SELP: variants seen among roughly 807,000 people sequenced by gnomAD.
The protein encoded by SELP is selectin P.
A neutral mutation model predicts 104.1 loss-of-function variants in SELP; 92 were observed. The observed-to-expected ratio is 0.88, with a 90% CI of 0.75 to 1.05. SELP has a LOEUF of 1.05. Among genes scored for constraint, SELP ranks in the 50% least tolerant of loss-of-function variants. The pLI, the probability that SELP is intolerant of heterozygous loss-of-function variation, is 0.00. For synonymous variants in SELP, 397 were observed against 364.5 expected, an observed-to-expected ratio of 1.09 and a Z score of -1.01; for missense variants, 1,022 against 1,017.3, an observed-to-expected ratio of 1.00 and a Z score of -0.06.
intron 2 of SELP, among the ~76,000 whole-genome samples, chr1:169,617,685 G>C (rs569982355): frequency 1.3e-5 from 2 of 152,276 alleles, no homozygotes; most frequent in African/African-American, 2.4e-5. Flanking sequence ...TCAAAGTTAG[G>C]AGGGACCCTG....
At chr1:169,608,506 A>G (rs963186188) in intron 8 of SELP, among the ~76,000 whole-genome samples, 36 of 152,142 alleles carry the variant, frequency 2.4e-4, no homozygotes, top group African/African-American at 8.5e-4. Flanking sequence ...TAATGTCTTC[A>G]AGGTTCATTC....
intron 11 of SELP, among the ~76,000 whole-genome samples, 177 bp from the exon 12 acceptor site, chr1:169,596,311 G>T (rs1281787492): frequency 6.6e-6 from 1 of 152,182 alleles, no homozygotes; most frequent in East Asian, 1.9e-4. Context: ...AACCAGATGA[G>T]GAAAATTATT....
chr1:169,612,212 C>T lies in SELP; in HGVS notation c.961+5G>A, dbSNP rs2101904023. On this transcript the variant is annotated splice_donor_5th_base_variant and intron_variant, in intron 6 of 16. Transcript: ENST00000263686. ...CATTATACATCCCAACTACCTGAAA[C>T]TCACCTTTACACACTGGGGCTGGGG... 1 of 1,613,392 alleles carries T rather than the reference C, an allele frequency of 6.2e-7. No homozygotes were observed. Among genetic ancestry groups the T allele is most frequent in the Non-Finnish European group, 8.5e-7 (1 of 1,179,760 alleles).
At chr1:169,626,494 T>G (rs906726968) in intron 1 of SELP, among the ~76,000 whole-genome samples, 4 of 152,100 alleles carry the variant, frequency 2.6e-5, no homozygotes, top group Admixed American at 6.5e-5. Flanking sequence ...GACAGGAGAA[T>G]CGCTTGAACC....
chr1:169,595,344 G>A (rs3917824), intron 12 of SELP, among the ~76,000 whole-genome samples: 1 of 151,862 alleles, frequency 6.6e-6, no homozygotes, highest in African/African-American at 2.4e-5. Flanking sequence ...GGAACTTCAG[G>A]GTTATTCTTT....
intron 9 of SELP, among the ~76,000 whole-genome samples, chr1:169,605,916 T>G (rs1170318628): frequency 6.6e-6 from 1 of 152,122 alleles, no homozygotes; most frequent in Admixed American, 6.5e-5. Context: ...GCTTGGGGAA[T>G]ATAAAAAATA....
At chr1:169,627,143 A>G (rs928243574) in intron 1 of SELP, among the ~76,000 whole-genome samples, 2 of 152,246 alleles carry the variant, frequency 1.3e-5, no homozygotes, top group Admixed American at 6.5e-5. Flanking sequence ...AGGATGCAGA[A>G]CTATACAACT....
intron 14 of SELP, among the ~76,000 whole-genome samples, chr1:169,592,991 G>A (rs1661420568): frequency 6.6e-6 from 1 of 152,058 alleles, no homozygotes; most frequent in African/African-American, 2.4e-5. Context: ...ATTCTTCAAA[G>A]CTAAGCTTGA....
At position 169,612,991 on chromosome 1, in the gene SELP, C is replaced by T. The variant is rs1422272305; in HGVS notation, c.713G>A (p.Gly238Glu). The change falls in exon 5 of 17, where the codon GGG (glycine) becomes GAG (glutamate). Residue 238 changes from glycine (G) to glutamate (E), a missense_variant. Physicochemically the swap from Gly to Glu is moderately conservative, Grantham distance 98. Transcript: ENST00000263686. ...FHCTDGYQVN[G>E]PSKLECLASG... Reference sequence around the variant, plus strand: ...AGCCAAGCATTCCAGCTTGCTGGGCCCATTTACTTGGTACCCGTCAGTGCA... The same window carrying T: ...AGCCAAGCATTCCAGCTTGCTGGGCTCATTTACTTGGTACCCGTCAGTGCA... The T allele has an allele frequency of 6.2e-7, 1 of 1,613,726 alleles. No individual in the cohort carries two copies. The highest frequency in any genetic ancestry group is 1.7e-5 in the Admixed American group (1 of 59,986).
Position 169,594,751 on chromosome 1 carries a change from G to T in SELP, c.2228C>A (p.Ser743Tyr), listed in dbSNP as rs368392089. 6.2e-7 allele frequency: 1 copy of T among 1,613,714 alleles called. No individual in the cohort carries two copies. Among genetic ancestry groups the T allele is most frequent in the Admixed American group, 1.7e-5 (1 of 59,952 alleles). Residue 743 changes from serine to tyrosine, a missense_variant, in exon 13 of 17, where the codon TCT becomes TAT. Physicochemically the swap from Ser to Tyr is moderately radical, Grantham distance 144. Transcript: ENST00000263686. ...HCLEGQLLNG[S>Y]AQTACQENGH... ...ATTCTCTTGGCATGCTGTTTGTGCA[G>T]AGCCATTAAGTAACTGGCCCTCTAG...
Position 169,624,989 on chromosome 1 carries a change from C to T in SELP, c.3+5083G>A, listed in dbSNP as rs77786712. ...CCACAGCTTTGTGCTTTTAGAAAGG[C>T]GGAATCAAACAATGTCCCTCCCTTG... On this transcript the variant is annotated intron_variant, in intron 1 of 16. Coordinates refer to ENST00000263686, the MANE Select transcript of SELP (RefSeq NM_003005.4). Among the ~76,000 whole-genome samples, 926 of 152,214 alleles carry T rather than the reference C, an allele frequency of 6.1e-3. 6 individuals carry two copies. Among genetic ancestry groups the T allele is most frequent in the African/African-American group, 0.021 (892 of 41,514 alleles).
At chr1:169,597,884 C>T (rs1557948817) in intron 10 of SELP, among the ~76,000 whole-genome samples, 2 of 152,154 alleles carry the variant, frequency 1.3e-5, no homozygotes, top group South Asian at 4.1e-4. Flanking sequence ...GGATTTAACT[C>T]GTAAAGTCTC....
At chr1:169,600,492 A>T (rs1185360180) in intron 10 of SELP, among the ~76,000 whole-genome samples, 1 of 152,192 alleles carries the variant, frequency 6.6e-6, no homozygotes, top group African/African-American at 2.4e-5. Flanking sequence ...ATACTGAGGA[A>T]CAACTAGGCA....
chr1:169,622,420 A>G lies in SELP; in HGVS notation c.4-3201T>C, dbSNP rs183631126. Among the ~76,000 whole-genome samples, 180 of 152,340 alleles carry G rather than the reference A, an allele frequency of 1.2e-3. 3 individuals carry two copies. Among genetic ancestry groups the G allele is most frequent in the African/African-American group, 4.1e-3 (171 of 41,594 alleles). On this transcript the variant is annotated intron_variant, in intron 1 of 16. Coordinates refer to ENST00000263686, the MANE Select transcript of SELP (RefSeq NM_003005.4). ...CTAATTCCATTTACTTATTCATATG[A>G]ATGAAGTTTCTCAATGTTTAAATCC...
chr1:169,593,729 A>G lies in SELP; in HGVS notation c.2288-5T>C, dbSNP rs2101864426. On this transcript the variant is annotated splice_region_variant and splice_polypyrimidine_tract_variant and intron_variant, in intron 13 of 16. Transcript: ENST00000263686. ...CCTGGATAGTCAATGGTCCTGCTAC[A>G]AAACAAACACACACACATGCAAGAC... 1 of 1,613,244 alleles carries G rather than the reference A, an allele frequency of 6.2e-7. No individual in the cohort carries two copies. Among genetic ancestry groups the G allele is most frequent in the East Asian group, 2.2e-5 (1 of 44,868 alleles).
chr1:169,595,542 AC>A (rs1167343507), intron 12 of SELP, among the ~76,000 whole-genome samples: 1 of 152,170 alleles, frequency 6.6e-6, no homozygotes, highest in East Asian at 1.9e-4. Flanking sequence ...GTATGGCTTA[AC>A]TTTTTATTTA....
Position 169,605,488 on chromosome 1 carries a change from G to T in SELP, c.1519+1461C>A, listed in dbSNP as rs112021042. Among the ~76,000 whole-genome samples, 17 of 150,534 alleles carry T rather than the reference G, an allele frequency of 1.1e-4. 1 individual carries two copies. The East Asian group carries it at 2.2e-3, about 19-fold the overall frequency. ...AGCTTAACAATGGGGTGTGTGTGTGGGGGGTGTGTGTGTGTGTATGTGATT... is the reference window on the plus strand; with the variant it reads ...AGCTTAACAATGGGGTGTGTGTGTGTGGGGTGTGTGTGTGTGTATGTGATT... On this transcript the variant is annotated intron_variant, in intron 9 of 16. Coordinates refer to ENST00000263686, the MANE Select transcript of SELP (RefSeq NM_003005.4).
At chr1:169,628,124 G>T (rs9970173) in intron 1 of SELP, among the ~76,000 whole-genome samples, 12 of 152,156 alleles carry the variant, frequency 7.9e-5, no homozygotes, top group African/African-American at 2.7e-4. Flanking sequence ...TTGAACTCTC[G>T]ACTTCAAGTG....
Position 169,613,028 on chromosome 1 carries a change from A to G in SELP, c.676T>C (p.Cys226Arg), listed in dbSNP as rs1662625625. 1.2e-6 allele frequency: 2 copies of G among 1,613,830 alleles called. No individual in the cohort carries two copies. Among genetic ancestry groups the G allele is most frequent in the Non-Finnish European group, 1.7e-6 (2 of 1,179,880 alleles). The change falls in exon 5 of 17, where the codon TGC becomes CGC. Residue 226 changes from cysteine (C) to arginine (R), a missense_variant. Coordinates refer to ENST00000263686, the MANE Select transcript of SELP (RefSeq NM_003005.4). ...PLGNFSFNSQ[C>R]SFHCTDGYQV... is the part of the protein sequence containing the mutation. ...TACCCGTCAGTGCAGTGGAAGCTGC[A>G]CTGCGAGTTAAAAGAGAAGTTTCCC...
Sources: allele counts gnomAD v4.1 joint callset (sites outside exome capture counted in the v4.1 genomes callset), GRCh38; gene constraint gnomAD v4.1.1; transcripts MANE v1.5; gene names NCBI Gene and HGNC (gene_info 2026-07-23, HGNC 2026-07-21).